The following FERMT1 variants were observed in gnomAD, a reference collection of about 807,000 sequenced individuals.
The protein encoded by FERMT1 is FERM domain containing kindlin 1, also known as fermitin family homolog 1.
FERMT1 carries 60 observed loss-of-function variants against 85.3 expected under a neutral mutation model. The observed-to-expected ratio is 0.70, with a 90% CI of 0.57 to 0.87. The LOEUF (loss-of-function observed/expected upper bound fraction) is 0.87. Ranked by LOEUF, FERMT1 falls within the 40% of genes least tolerant of loss-of-function variation. FERMT1 has a pLI of 0.00. For missense variants in FERMT1, 701 were observed against 818.9 expected, an observed-to-expected ratio of 0.86 and a Z score of 1.76; for synonymous variants, 275 against 301.1, an observed-to-expected ratio of 0.91 and a Z score of 0.90.
Position 6,085,107 on chromosome 20 carries a change from A to G in FERMT1, c.1552T>C (p.Phe518Leu). 1.2e-6 allele frequency: 2 copies of G among 1,614,206 alleles called. No individual in the cohort carries two copies. Among genetic ancestry groups the G allele is most frequent in the Non-Finnish European group, 1.7e-6 (2 of 1,180,026 alleles). Reference protein sequence around the residue: ...LENMDMNPECFVSPRCAKRHK... With the variant: ...LENMDMNPECLVSPRCAKRHK... ...CTTTTTGCACACCGTGGTGACACAA[A>G]ACATTCTGGGTTCATATCCATGTTT... is the stretch of plus-strand genomic sequence containing the variant. The change falls in exon 12 of 15, where the codon TTT becomes CTT. Residue 518 changes from phenylalanine (F) to leucine (L), a missense_variant. Phe to Leu is a conservative substitution (Grantham distance 22). Coordinates refer to ENST00000217289, the MANE Select transcript of FERMT1 (RefSeq NM_017671.5).
intron 9 of FERMT1, among the ~76,000 whole-genome samples, chr20:6,092,730 G>A (rs182583149): frequency 1.7e-3 from 255 of 152,162 alleles, no homozygotes; most frequent in African/African-American, 6.0e-3. Context: ...TCCACCTTTA[G>A]GCAGGCGCTT....
At chr20:6,110,668 A>G (rs1031346608) in intron 4 of FERMT1, among the ~76,000 whole-genome samples, 157 bp from the exon 5 acceptor site, 13 of 152,208 alleles carry the variant, frequency 8.5e-5, no homozygotes, top group African/African-American at 3.1e-4. Context: ...GCCCGCGTCT[A>G]TAATCCTAGC....
At chr20:6,114,853 C>G (rs987350329) in intron 3 of FERMT1, among the ~76,000 whole-genome samples, 2 of 152,098 alleles carry the variant, frequency 1.3e-5, no homozygotes, top group African/African-American at 4.8e-5. Flanking sequence ...CCATTTTAAC[C>G]TCTTATATTC....
chr20:6,100,292 GGAAT>G (rs746685427), intron 6 of FERMT1, among the ~76,000 whole-genome samples: 2 of 152,076 alleles, frequency 1.3e-5, no homozygotes, highest in African/African-American at 2.4e-5. Flanking sequence ...TGCTACAATA[GGAAT>G]GAATGAATGA....
At chr20:6,085,334 C>T (rs1354844430) in intron 11 of FERMT1, 47 bp from the exon 12 acceptor site, 2 of 1,544,406 alleles carry the variant, frequency 1.3e-6, no homozygotes, top group African/African-American at 1.4e-5. Context: ...GCAAAGCCCC[C>T]TGCTGCACAC....
At chr20:6,077,562 G>A (rs1302521231) in intron 14 of FERMT1, among the ~76,000 whole-genome samples, 2 of 152,082 alleles carry the variant, frequency 1.3e-5, no homozygotes, top group Admixed American at 6.5e-5. Flanking sequence ...TTTGCTGCAC[G>A]TCTGGTTAAA....
intron 14 of FERMT1, among the ~76,000 whole-genome samples, chr20:6,079,027 C>T (rs2236148): frequency 5.3e-5 from 8 of 152,070 alleles, no homozygotes; most frequent in South Asian, 2.1e-4. Flanking sequence ...AGTCCTCCAT[C>T]GGGTTTCTTG....
rs1050247552 is a variant in FERMT1, at chr20:6,087,765, G to A, written c.1371+12C>T. 5 of 1,431,276 alleles carry A rather than the reference G, an allele frequency of 3.5e-6. No homozygotes were observed. The highest frequency in any genetic ancestry group is 4.9e-6 in the Non-Finnish European group (5 of 1,012,894). 88.7% of individuals were successfully genotyped at this position (1,431,276 alleles called of 1,614,324 possible). A position where few individuals can be genotyped will look rare whatever the true frequency, so the allele number is the denominator to read the frequency against. On this transcript the variant is annotated intron_variant, in intron 11 of 14. Transcript: ENST00000217289. ...AGGTGAAGTGACTTAATATTTTTGG[G>A]GTTTTACTCACATGGTCACATCTCA...
chr20:6,083,684 C>T (rs1436112755), intron 13 of FERMT1, among the ~76,000 whole-genome samples: 1 of 142,076 alleles, frequency 7.0e-6, no homozygotes, highest in Non-Finnish European at 1.5e-5. Context: ...CTCCCCACAC[C>T]CGATCTCTTA....
At chr20:6,115,725 C>A in intron 3 of FERMT1, 86 bp downstream of exon 3, 1 of 1,006,072 alleles carries the variant, frequency 9.9e-7, no homozygotes, top group Non-Finnish European at 1.6e-6. Context: ...GTAGCAATTA[C>A]TTGAAGTAGG....
At chr20:6,088,626 C>CTT (rs11475498) in intron 10 of FERMT1, among the ~76,000 whole-genome samples, 6 of 121,178 alleles carry the variant, frequency 5.0e-5, no homozygotes, top group Admixed American at 1.7e-4. Flanking sequence ...CTGCTCACCT[C>CTT]TTTTTTTTTT....
At chr20:6,101,098 A>G (rs1434729053) in intron 6 of FERMT1, among the ~76,000 whole-genome samples, 2 of 152,202 alleles carry the variant, frequency 1.3e-5, no homozygotes, top group Non-Finnish European at 2.9e-5. Flanking sequence ...CCATTTTCCT[A>G]TCACATCTAC....
At chr20:6,103,153 AAGTT>A (rs1292045987) in intron 6 of FERMT1, among the ~76,000 whole-genome samples, 1 of 152,160 alleles carries the variant, frequency 6.6e-6, no homozygotes, top group East Asian at 1.9e-4. Flanking sequence ...GTTCAATAAA[AAGTT>A]AGTCCCCCTC....
rs192418068 is a variant in FERMT1 at position 6,088,118 on chromosome 20, T to C, written c.1265-235A>G. 5.4e-3 allele frequency among the ~76,000 whole-genome samples: 811 copies of C among 151,424 alleles called. 8 individuals carry two copies. The highest frequency in any genetic ancestry group is 0.019 in the African/African-American group (785 of 41,276). ...TTACAGTTTTCTTAAAAAGTCAATTTAGTTCATTTTCAGGTTAATGCTGGC... is the reference window on the plus strand; with the variant it reads ...TTACAGTTTTCTTAAAAAGTCAATTCAGTTCATTTTCAGGTTAATGCTGGC... On this transcript the variant is annotated intron_variant, in intron 10 of 14. Coordinates refer to ENST00000217289, the MANE Select transcript of FERMT1 (RefSeq NM_017671.5).
intron 14 of FERMT1, among the ~76,000 whole-genome samples, chr20:6,077,949 G>C (rs1166128510): frequency 1.3e-5 from 2 of 152,104 alleles, no homozygotes; most frequent in Non-Finnish European, 2.9e-5. Context: ...CAAAGTGTTG[G>C]GATTATAGGC....
At chr20:6,084,006 G>A in intron 13 of FERMT1, 34 bp downstream of exon 13, 1 of 1,613,800 alleles carries the variant, frequency 6.2e-7, no homozygotes, top group South Asian at 1.1e-5. Context: ...AAATTGAATG[G>A]AAAGTGTGAG....
chr20:6,112,372 G>A (rs1165089546), intron 4 of FERMT1, 105 bp downstream of exon 4: 30 of 1,172,582 alleles, frequency 2.6e-5, no homozygotes, highest in East Asian at 4.7e-5. Context: ...CATCAGTTCT[G>A]CAATTTTATT....
chr20:6,114,662 C>G (rs1272063138), intron 3 of FERMT1, among the ~76,000 whole-genome samples: 1 of 152,152 alleles, frequency 6.6e-6, no homozygotes, highest in African/African-American at 2.4e-5. Context: ...AGTTTCCATT[C>G]ATTTGTTCAC....
chr20:6,101,022 A>C (rs1783000615), intron 6 of FERMT1, among the ~76,000 whole-genome samples: 1 of 152,240 alleles, frequency 6.6e-6, no homozygotes, highest in African/African-American at 2.4e-5. Context: ...CCATAAAAAC[A>C]TTGGAAAAGA....
Sources: gnomAD v4.1 joint callset for allele counts (sites outside exome capture counted in the v4.1 genomes callset) on GRCh38, gnomAD v4.1.1 for gene constraint, MANE v1.5 for transcripts, NCBI Gene and HGNC (gene_info 2026-07-23, HGNC 2026-07-21) for gene names.